Variants in ARSK observed in about 807,000 individuals in gnomAD.
The protein encoded by ARSK is arylsulfatase K.
In ARSK, 37 loss-of-function variants were observed where a neutral mutation model predicts 53.2. The observed-to-expected ratio is 0.70, with a 90% CI of 0.54 to 0.92. The LOEUF (loss-of-function observed/expected upper bound fraction) is 0.92, where lower values mean the gene tolerates loss of function less well. Ranked by LOEUF, ARSK falls within the 40% of genes least tolerant of loss-of-function variation. The probability of loss-of-function intolerance (pLI) is 0.00; values close to 1 mark genes in which losing one functional copy is unlikely to be tolerated. For synonymous variants in ARSK, 208 were observed against 223.2 expected, an observed-to-expected ratio of 0.93 and a Z score of 0.61; for missense variants, 613 against 643.0, an observed-to-expected ratio of 0.95 and a Z score of 0.51.
At chr5:95,582,119 T>C (rs910352074) in intron 3 of ARSK, among the ~76,000 whole-genome samples, 1 of 152,114 alleles carries the variant, frequency 6.6e-6, no homozygotes, top group African/African-American at 2.4e-5. Context: ...CTTTTCTCAA[T>C]TGATAGATCA....
intron 3 of ARSK, among the ~76,000 whole-genome samples, chr5:95,574,784 C>T (rs917865367): frequency 5.9e-5 from 9 of 152,082 alleles, no homozygotes; most frequent in African/African-American, 2.2e-4. Flanking sequence ...TTTCTCCCAT[C>T]TGTGGGTTGT....
At chr5:95,585,258 A>G (rs914544771) in intron 4 of ARSK, among the ~76,000 whole-genome samples, 2 of 152,230 alleles carry the variant, frequency 1.3e-5, no homozygotes, top group Admixed American at 1.3e-4. Flanking sequence ...GATGGAAAAC[A>G]GTGTGGAGAT....
chr5:95,601,203 C>T, intron 7 of ARSK, 132 bp downstream of exon 7: 1 of 904,324 alleles, frequency 1.1e-6, no homozygotes, highest in Non-Finnish European at 1.6e-6. Context: ...GGACGATCTA[C>T]AAAAGGTTGC....
chr5:95,568,064 A>C lies in ARSK; in HGVS notation c.416+15A>C, dbSNP rs775945595. 1.9e-6 allele frequency: 3 copies of C among 1,611,186 alleles called. No homozygotes were observed. In the South Asian group the frequency reaches 3.3e-5, roughly 18 times the overall value. On this transcript the variant is annotated intron_variant, in intron 3 of 7. Transcript: ENST00000380009. ...CACTCCATTAGGTAAAAATAAAACA[A>C]AAATAATCATCATGGACTGCCCTCT...
intron 1 of ARSK, among the ~76,000 whole-genome samples, chr5:95,564,296 C>G (rs142764827): frequency 6.6e-6 from 1 of 151,980 alleles, no homozygotes; most frequent in South Asian, 2.1e-4. Context: ...CTTTTGTCTT[C>G]GCCTTTCTAG....
intron 3 of ARSK, among the ~76,000 whole-genome samples, chr5:95,579,054 A>C (rs1243236947): frequency 6.6e-6 from 1 of 152,222 alleles, no homozygotes; most frequent in African/African-American, 2.4e-5. Context: ...AATTGAACCA[A>C]GATAGAATAA....
intron 1 of ARSK, chr5:95,556,064 T>C (rs1748497580): frequency 1.6e-6 from 1 of 607,898 alleles, no homozygotes; most frequent in East Asian, 2.8e-5. Context: ...TTTTAAAAAG[T>C]GCTGCTTAGA....
chr5:95,580,805 G>T, intron 3 of ARSK: 3 of 599,124 alleles, frequency 5.0e-6, no homozygotes, highest in South Asian at 3.5e-5. Context: ...AAGTACTGTA[G>T]TATATTCATC....
chr5:95,588,541 A>C (rs949588192), intron 5 of ARSK, among the ~76,000 whole-genome samples: 16 of 151,958 alleles, frequency 1.1e-4, no homozygotes, highest in African/African-American at 3.9e-4. Context: ...TTAAATCTAC[A>C]CCGGTCTTTT....
At position 95,603,832 on chromosome 5, in the gene ARSK, G is replaced by A. The variant is rs905762978; in HGVS notation, c.*306G>A. 1.9e-5 allele frequency: 3 copies of A among 161,300 alleles called. No homozygotes were observed. In the East Asian group the frequency reaches 5.0e-4, roughly 27 times the overall value. 10.0% of individuals were successfully genotyped at this position (161,300 alleles called of 1,614,324 possible). ...TGAGGCAGGAGGATCGCTTGAACCC[G>A]GGAGGCAGCAGTTGCAGTGAGCTGA... On this transcript the variant is annotated 3_prime_UTR_variant, in exon 8 of 8. Coordinates refer to ENST00000380009, the MANE Select transcript of ARSK (RefSeq NM_198150.3).
At chr5:95,567,723 T>C (rs1748748990) in intron 2 of ARSK, among the ~76,000 whole-genome samples, 167 bp from the exon 3 acceptor site, 1 of 152,194 alleles carries the variant, frequency 6.6e-6, no homozygotes, top group African/African-American at 2.4e-5. Flanking sequence ...ATCACTCTGA[T>C]AAAATGAGGT....
At chr5:95,601,293 T>A (rs1182632509) in intron 7 of ARSK, among the ~76,000 whole-genome samples, 1 of 152,236 alleles carries the variant, frequency 6.6e-6, no homozygotes, top group African/African-American at 2.4e-5. Context: ...CTGGGTCTCA[T>A]GACTGAAACC....
At chr5:95,556,484 A>AC in intron 1 of ARSK, 1 of 440,254 alleles carries the variant, frequency 2.3e-6, no homozygotes, top group East Asian at 3.9e-5. Context: ...AGGAGAACAG[A>AC]CCTTTCCACC....
intron 2 of ARSK, 99 bp from the exon 3 acceptor site, chr5:95,567,791 A>G: frequency 8.3e-7 from 1 of 1,203,624 alleles, no homozygotes; most frequent in Non-Finnish European, 1.1e-6. Context: ...TGCAGAGCAT[A>G]AGCTCTTCAC....
chr5:95,579,732 C>T (rs1167773401), intron 3 of ARSK, among the ~76,000 whole-genome samples: 1 of 152,114 alleles, frequency 6.6e-6, no homozygotes, highest in African/African-American at 2.4e-5. Context: ...GAAGAAAAGC[C>T]CCTCTTATAT....
intron 1 of ARSK, among the ~76,000 whole-genome samples, chr5:95,564,134 C>T (rs770812762): frequency 1.1e-4 from 16 of 151,834 alleles, no homozygotes; most frequent in Admixed American, 2.0e-4. Context: ...CCTGCCACCA[C>T]GCCTAGCTAA....
At chr5:95,599,627 C>T (rs1023816063) in intron 6 of ARSK, among the ~76,000 whole-genome samples, 1 of 152,194 alleles carries the variant, frequency 6.6e-6, no homozygotes, top group African/African-American at 2.4e-5. Flanking sequence ...AAATACTCCT[C>T]TCTTCTTTCT....
chr5:95,603,296 T>TA lies in ARSK; in HGVS notation c.1382dup (p.Tyr461Ter). ...TGCTGTAAAATTTCCAGAAATTACT[T>TA]ATTCTTTGGATCAGAAGCTTCATTC... Reference protein sequence around the residue: ...NVAVKFPEITYSLDQKLHSII... With the variant: ...NVAVKFPEIT Residue 461 changes from tyrosine to a stop codon, truncating the protein, a stop_gained and frameshift_variant, in exon 8 of 8, where the codon TAT (tyrosine) becomes TAAT (stop). Coordinates refer to ENST00000380009, the MANE Select transcript of ARSK (RefSeq NM_198150.3). LOFTEE classifies it high-confidence loss of function. 1 of 1,601,470 alleles carries TA rather than the reference T, an allele frequency of 6.2e-7. No individual in the cohort carries two copies. Among genetic ancestry groups the TA allele is most frequent in the Non-Finnish European group, 8.5e-7 (1 of 1,175,030 alleles).
rs73147963 is a variant in ARSK, at chr5:95,580,562, C to T, written c.417-2354C>T. 4.8e-3 allele frequency among the ~76,000 whole-genome samples: 724 copies of T among 152,184 alleles called. 3 individuals carry two copies. Among genetic ancestry groups the T allele is most frequent in the African/African-American group, 0.016 (677 of 41,532 alleles). On this transcript the variant is annotated intron_variant, in intron 3 of 7. Transcript: ENST00000380009. ...TCATATTCTCATTCCATATTTTGCT[C>T]GTTGGACTCACTGACTGGAAGGTAG...
Sources: allele counts gnomAD v4.1 joint callset (sites outside exome capture counted in the v4.1 genomes callset), GRCh38; gene constraint gnomAD v4.1.1; transcripts MANE v1.5; gene names NCBI Gene and HGNC (gene_info 2026-07-23, HGNC 2026-07-21).